Variants in VTCN1 observed in about 807,000 individuals in gnomAD.
VTCN1 encodes V-set domain containing T cell activation inhibitor 1.
A neutral mutation model predicts 26.5 loss-of-function variants in VTCN1; 26 were observed. That is an observed-to-expected ratio of 0.98 (90% confidence interval 0.72 to 1.36). The LOEUF is 1.36. VTCN1 is among the 40% of genes most tolerant of loss of function. The probability of loss-of-function intolerance (pLI) is 0.00; values close to 1 mark genes in which losing one functional copy is unlikely to be tolerated. For synonymous variants in VTCN1, 116 were observed against 130.7 expected (o/e 0.89, Z 0.77); for missense variants, 298 against 337.7 (o/e 0.88, Z 0.92).
At chr1:117,178,509 C>T (rs540373617) in intron 1 of VTCN1, among the ~76,000 whole-genome samples, 25 of 151,260 alleles carry the variant, frequency 1.7e-4, no homozygotes, top group African/African-American at 3.2e-4. Context: ...CCGCCCACCT[C>T]GGCCTCCCAA....
Position 117,147,399 on chromosome 1 carries a change from G to A in VTCN1, c.*45+214C>T, listed in dbSNP as rs1406280749. ...TTGAATTTACATAAATACTTGAATT[G>A]TATGTTATTTTTCCTATGGGTCTGT... On this transcript the variant is annotated intron_variant, in intron 5 of 5. Transcript: ENST00000369458. This position sits in a 1 kb window ranked among gnomAD's most constrained non-coding sequence, Gnocchi z 4.6. Among the ~76,000 whole-genome samples, 1 of 152,142 alleles carries A rather than the reference G, an allele frequency of 6.6e-6. No individual in the cohort carries two copies. The highest frequency in any genetic ancestry group is 2.4e-5 in the African/African-American group (1 of 41,428).
chr1:117,198,519 A>G (rs1479667466), intron 1 of VTCN1, among the ~76,000 whole-genome samples: 1 of 152,214 alleles, frequency 6.6e-6, no homozygotes, highest in African/African-American at 2.4e-5. Context: ...ATTTGGCTCC[A>G]GTGGCTGCAG....
In VTCN1 at chr1:117,153,226, T is replaced by C. The variant is rs1651890211; in HGVS notation, c.589A>G (p.Thr197Ala). The change falls in exon 4 of 6, where the codon ACC becomes GCC. Residue 197 changes from threonine (T) to alanine (A), a missense_variant. By Grantham distance (58) the Thr-to-Ala change is moderately conservative (BLOSUM62 0). Coordinates refer to ENST00000369458, the MANE Select transcript of VTCN1 (RefSeq NM_024626.4). ...TTCTCAGAGTTCAGCTCAAAGCTGG[T>C]ATTGGAGACTTCCGAGAAGTTGGCT... ...QGANFSEVSN[T>A]SFELNSENVT... 3 of 1,613,966 alleles carry C rather than the reference T, an allele frequency of 1.9e-6. No homozygotes were observed. The highest frequency in any genetic ancestry group is 2.5e-6 in the Non-Finnish European group (3 of 1,180,010).
chr1:117,199,302 T>C (rs955912440), intron 1 of VTCN1, among the ~76,000 whole-genome samples: 1 of 152,246 alleles, frequency 6.6e-6, no homozygotes, highest in Admixed American at 6.5e-5. Flanking sequence ...ATATATTAGG[T>C]CAAATCCTTT....
intron 1 of VTCN1, among the ~76,000 whole-genome samples, chr1:117,174,736 G>T (rs1485691275): frequency 6.6e-6 from 1 of 152,138 alleles, no homozygotes; most frequent in Non-Finnish European, 1.5e-5. Context: ...GAGGTAGGAA[G>T]AATTTAAACC....
At chr1:117,162,673 G>C (rs1358293026) in intron 2 of VTCN1, among the ~76,000 whole-genome samples, 4 of 152,160 alleles carry the variant, frequency 2.6e-5, no homozygotes, top group African/African-American at 9.7e-5. Flanking sequence ...TAATTATCCA[G>C]CTTGTGAGGG....
chr1:117,192,486 C>A (rs1197686393), intron 1 of VTCN1, among the ~76,000 whole-genome samples: 3 of 152,080 alleles, frequency 2.0e-5, no homozygotes, highest in Non-Finnish European at 4.4e-5. Context: ...AATATACAGT[C>A]AAATTGAGAA....
intron 1 of VTCN1, among the ~76,000 whole-genome samples, chr1:117,206,364 A>G (rs1024459487): frequency 6.6e-6 from 1 of 152,194 alleles, no homozygotes; most frequent in African/African-American, 2.4e-5. Context: ...TGGATTGTAG[A>G]GGGAGTTGCA....
At chr1:117,205,397 A>C (rs1297136935) in intron 1 of VTCN1, among the ~76,000 whole-genome samples, 1 of 152,042 alleles carries the variant, frequency 6.6e-6, no homozygotes, top group Non-Finnish European at 1.5e-5. Context: ...TCCTGGACTC[A>C]AGTGATCCGC....
chr1:117,209,022 G>A (rs1049767539), intron 1 of VTCN1, among the ~76,000 whole-genome samples: 1 of 152,178 alleles, frequency 6.6e-6, no homozygotes, highest in Non-Finnish European at 1.5e-5. Flanking sequence ...CCTGAGATGA[G>A]CTTTCATGAT....
In VTCN1 at chr1:117,199,177, T is replaced by A. The variant is rs184656551; in HGVS notation, c.32+11647A>T. 2.2e-3 allele frequency among the ~76,000 whole-genome samples: 336 copies of A among 151,408 alleles called. 1 individual carries two copies. Among genetic ancestry groups the A allele is most frequent in the Middle Eastern group, 0.01 (3 of 294 alleles). ...AATGTACATTAACAAGTATTATTTTTAAAGGGATTACATTTTCATAATGTT... is the reference window on the plus strand; with the variant it reads ...AATGTACATTAACAAGTATTATTTTAAAAGGGATTACATTTTCATAATGTT... On this transcript the variant is annotated intron_variant, in intron 1 of 5. Transcript: ENST00000369458.
chr1:117,153,218 A>T lies in VTCN1; in HGVS notation c.597T>A (p.Phe199Leu), dbSNP rs996513224. 6.8e-6 allele frequency: 11 copies of T among 1,614,006 alleles called. No individual in the cohort carries two copies. In the East Asian group the frequency reaches 2.5e-4, roughly 36 times the overall value. Residue 199 changes from phenylalanine to leucine, a missense_variant, in exon 4 of 6, where the codon TTT (phenylalanine) becomes TTA (leucine). Transcript: ENST00000369458. ...ANFSEVSNTSFELNSENVTMK... is the reference protein window; with the variant it reads ...ANFSEVSNTSLELNSENVTMK... ...TGGTCACATTCTCAGAGTTCAGCTC[A>T]AAGCTGGTATTGGAGACTTCCGAGA...
intron 1 of VTCN1, among the ~76,000 whole-genome samples, chr1:117,179,880 G>A (rs959929786): frequency 6.6e-6 from 1 of 152,180 alleles, no homozygotes; most frequent in Non-Finnish European, 1.5e-5. Context: ...TGAGGAAGCT[G>A]AGGCCTAATG....
intron 1 of VTCN1, among the ~76,000 whole-genome samples, chr1:117,210,212 T>TCAGCAG (rs71582595): frequency 0.025 from 3,737 of 150,202 alleles, 171 homozygotes; most frequent in African/African-American, 0.086. Context: ...TCTGGGGAGT[T>TCAGCAG]CAGCAGCAGC....
At chr1:117,168,760 CT>C (rs1006654614) in intron 2 of VTCN1, among the ~76,000 whole-genome samples, 30 of 152,058 alleles carry the variant, frequency 2.0e-4, no homozygotes, top group African/African-American at 7.2e-4. Context: ...ATGTTATTTA[CT>C]TTTTTTATTT....
intron 3 of VTCN1, among the ~76,000 whole-genome samples, chr1:117,154,285 C>T (rs1036836317): frequency 6.6e-6 from 1 of 152,138 alleles, no homozygotes; most frequent in African/African-American, 2.4e-5. Context: ...TATTCTGTGC[C>T]AGTACTGTAT....
intron 2 of VTCN1, among the ~76,000 whole-genome samples, chr1:117,162,542 G>C (rs1418512155): frequency 6.6e-6 from 1 of 152,170 alleles, no homozygotes; most frequent in Non-Finnish European, 1.5e-5. Context: ...AGATGGGCTA[G>C]AGGCAGGTAC....
At position 117,172,447 on chromosome 1, in the gene VTCN1, G is replaced by A. The variant is rs780866166; in HGVS notation, c.33-2276C>T. The stretch of plus-strand genomic sequence containing the variant: ...TCAGTTCTTACTGGTCCAAGAGAGT[G>A]AGAACAGCTAGATAAAGTCATAGCG... On this transcript the variant is annotated intron_variant, in intron 1 of 5. Transcript: ENST00000369458. The A allele has an allele frequency of 7.7e-6, 4 of 518,686 alleles. No individual in the cohort carries two copies. In the East Asian group the frequency reaches 1.6e-4, roughly 21 times the overall value. 32.1% of individuals were successfully genotyped at this position (518,686 alleles called of 1,614,324 possible). A position where few individuals can be genotyped will look rare whatever the true frequency, so the allele number is the denominator to read the frequency against.
Position 117,146,403 on chromosome 1 carries a change from T to A in VTCN1, c.*46-1178A>T, listed in dbSNP as rs1651512097. On this transcript the variant is annotated intron_variant, in intron 5 of 5. Transcript: ENST00000369458. This position sits in a 1 kb window ranked among gnomAD's most constrained non-coding sequence, Gnocchi z 4.2. ...AAGAGAAAGAATGAAAAGAAGCAGA[T>A]CAACAGATCTTTACCTGCCTCTGAG... Among the ~76,000 whole-genome samples the A allele has an allele frequency of 6.6e-6, 1 of 152,120 alleles. No individual in the cohort carries two copies. The highest frequency in any genetic ancestry group is 1.5e-5 in the Non-Finnish European group (1 of 68,020).
Sources: gnomAD v4.1 joint callset for allele counts (sites outside exome capture counted in the v4.1 genomes callset) on GRCh38, gnomAD v4.1.1 for gene constraint, Gnocchi (gnomAD v3.1) non-coding constraint, MANE v1.5 for transcripts, NCBI Gene and HGNC (gene_info 2026-07-23, HGNC 2026-07-21) for gene names.